AKT3: variants seen among roughly 807,000 people sequenced by gnomAD.
AKT3 encodes AKT serine/threonine kinase 3.
In AKT3, 15 loss-of-function variants were observed where a neutral mutation model predicts 65.3. The observed-to-expected ratio is 0.23, with a 90% CI of 0.15 to 0.35. The LOEUF is 0.35. Among genes scored for constraint, AKT3 ranks in the 10% least tolerant of loss-of-function variants. The probability of loss-of-function intolerance (pLI) is 1.00; values close to 1 mark genes in which losing one functional copy is unlikely to be tolerated. For synonymous variants in AKT3, 206 were observed against 183.8 expected (o/e 1.12, Z -0.98); for missense variants, 243 against 576.5 (o/e 0.42, Z 5.92).
chr1:243,712,840 C>A (rs1172019098), intron 2 of AKT3, among the ~76,000 whole-genome samples: 1 of 152,074 alleles, frequency 6.6e-6, no homozygotes, highest in African/African-American at 2.4e-5. Flanking sequence ...CCAGATATAT[C>A]AAATCTCTAA....
intron 3 of AKT3, among the ~76,000 whole-genome samples, chr1:243,667,832 T>G (rs1049588285): frequency 2.6e-5 from 4 of 152,298 alleles, no homozygotes; most frequent in African/African-American, 9.6e-5. Flanking sequence ...TTCAGGCTGC[T>G]CTGCCAGCCA....
chr1:243,798,973 A>G (rs1296828928), intron 2 of AKT3, among the ~76,000 whole-genome samples: 1 of 152,236 alleles, frequency 6.6e-6, no homozygotes, highest in Admixed American at 6.5e-5. Flanking sequence ...AAAGTGGGGT[A>G]GTGAACCCAG....
At chr1:243,521,958 TC>T (rs1331783691) in intron 12 of AKT3, among the ~76,000 whole-genome samples, 2 of 152,202 alleles carry the variant, frequency 1.3e-5, no homozygotes, top group African/African-American at 4.8e-5. Flanking sequence ...GTGATGTTAT[TC>T]ACAAACATCC....
At chr1:243,634,758 TA>T (rs1679860418) in intron 6 of AKT3, among the ~76,000 whole-genome samples, 2 of 152,042 alleles carry the variant, frequency 1.3e-5, no homozygotes, top group South Asian at 4.1e-4. Context: ...ATAACAATAA[TA>T]AACACTTACA....
intron 2 of AKT3, among the ~76,000 whole-genome samples, chr1:243,783,696 A>C (rs927669754): frequency 1.1e-4 from 17 of 152,246 alleles, no homozygotes; most frequent in African/African-American, 3.6e-4. Flanking sequence ...TCTTCTCTAT[A>C]GTCTTCTGAC....
intron 3 of AKT3, among the ~76,000 whole-genome samples, chr1:243,671,661 G>A (rs1334718233): frequency 6.6e-6 from 1 of 152,198 alleles, no homozygotes; most frequent in African/African-American, 2.4e-5. Context: ...GAGCATTCCA[G>A]CAGCAGATAA....
intron 4 of AKT3, among the ~76,000 whole-genome samples, chr1:243,656,312 GATTA>G (rs1438404231): frequency 3.2e-4 from 49 of 152,194 alleles, no homozygotes; most frequent in African/African-American, 7.5e-4. Context: ...TTCACCAACT[GATTA>G]GTTACTTACT....
intron 4 of AKT3, among the ~76,000 whole-genome samples, chr1:243,653,021 C>T (rs1681493544): frequency 6.6e-6 from 1 of 151,162 alleles, no homozygotes; most frequent in Admixed American, 6.6e-5. Flanking sequence ...GAGAAAGAGA[C>T]ATGAAAAAAC....
At chr1:243,842,096 T>C (rs958987235) in intron 2 of AKT3, among the ~76,000 whole-genome samples, 5 of 152,194 alleles carry the variant, frequency 3.3e-5, no homozygotes, top group African/African-American at 1.2e-4. Flanking sequence ...GTTACACTAC[T>C]GTGTATCTCT....
intron 8 of AKT3, among the ~76,000 whole-genome samples, chr1:243,588,882 A>G (rs1404202421): frequency 6.6e-6 from 1 of 152,228 alleles, no homozygotes; most frequent in Non-Finnish European, 1.5e-5. Context: ...AGGCAGAGAT[A>G]AATAGGTGGG....
At chr1:243,632,787 C>T (rs189404792) in intron 6 of AKT3, among the ~76,000 whole-genome samples, 1 of 152,320 alleles carries the variant, frequency 6.6e-6, no homozygotes, top group Non-Finnish European at 1.5e-5. Context: ...TCACATTGCA[C>T]TTTTAGGCTA....
At chr1:243,613,764 G>T in intron 7 of AKT3, 25 bp from the exon 8 acceptor site, 1 of 1,493,732 alleles carries the variant, frequency 6.7e-7, no homozygotes. Flanking sequence ...AAGAAAAAAT[G>T]TTACATTATA....
intron 8 of AKT3, among the ~76,000 whole-genome samples, chr1:243,577,852 TC>T (rs1364479550): frequency 1.3e-5 from 2 of 150,450 alleles, no homozygotes; most frequent in Non-Finnish European, 3.0e-5. Context: ...GAAAAAAAAA[TC>T]CCCATTCAAA....
In AKT3 at chr1:243,499,950, C is replaced by T. The variant is rs1022697911; in HGVS notation, c.*5299G>A. ...CGCGGGCGCTGTCCCCGCACGCAGT[C>T]GGGCTGGAGCTGGAGTCTGACTCTA... On this transcript the variant is annotated 3_prime_UTR_variant, in exon 14 of 14. Transcript: ENST00000673466. The T allele has an allele frequency of 1.0e-5, 7 of 682,708 alleles. No individual in the cohort carries two copies. The highest frequency in any genetic ancestry group is 8.8e-5 in the African/African-American group (5 of 56,684). The allele number at this position is 682,708 out of a possible 1,614,324, so 42.3% of individuals were successfully genotyped here.
intron 2 of AKT3, among the ~76,000 whole-genome samples, chr1:243,744,540 C>G (rs1196834832): frequency 1.3e-5 from 2 of 151,802 alleles, no homozygotes; most frequent in South Asian, 4.2e-4. Flanking sequence ...GAGATCGAGA[C>G]CATCCCGGCT....
At chr1:243,583,266 A>C (rs1180798004) in intron 8 of AKT3, among the ~76,000 whole-genome samples, 2 of 148,950 alleles carry the variant, frequency 1.3e-5, no homozygotes, top group Non-Finnish European at 1.5e-5. Flanking sequence ...AATATTGGAG[A>C]ACCCAGAGTC....
chr1:243,827,733 T>C (rs1694257310), intron 2 of AKT3, among the ~76,000 whole-genome samples: 2 of 152,152 alleles, frequency 1.3e-5, no homozygotes, highest in African/African-American at 4.8e-5. Flanking sequence ...AGAAAAAGTG[T>C]TGAAAAATAT....
intron 8 of AKT3, among the ~76,000 whole-genome samples, chr1:243,579,427 G>A (rs1010508831): frequency 2.0e-5 from 3 of 151,942 alleles, no homozygotes; most frequent in Non-Finnish European, 4.4e-5. Context: ...AATACTAAGA[G>A]ATATAAAAAA....
intron 2 of AKT3, among the ~76,000 whole-genome samples, chr1:243,739,822 C>G (rs140480597): frequency 1.3e-5 from 2 of 152,348 alleles, no homozygotes. Flanking sequence ...AATCCCGGAA[C>G]ATGCTGAACT....
Sources: gnomAD v4.1 joint callset for allele counts (sites outside exome capture counted in the v4.1 genomes callset) on GRCh38, gnomAD v4.1.1 for gene constraint, MANE v1.5 for transcripts, NCBI Gene and HGNC (gene_info 2026-07-23, HGNC 2026-07-21) for gene names.